Variants in RFX7 observed in about 807,000 individuals in gnomAD.
The protein encoded by RFX7 is DNA-binding protein RFX7.
In RFX7, 26 loss-of-function variants were observed where a neutral mutation model predicts 111.8. The observed-to-expected ratio is 0.23, with a 90% CI of 0.17 to 0.32. The LOEUF (loss-of-function observed/expected upper bound fraction) is 0.32, where lower values mean the gene tolerates loss of function less well. Among genes scored for constraint, RFX7 ranks in the 10% least tolerant of loss-of-function variants. The pLI is 1.00. For synonymous variants in RFX7, 624 were observed against 624.4 expected, an observed-to-expected ratio of 1.00 and a Z score of 0.01; for missense variants, 1,573 against 1,772.9, an observed-to-expected ratio of 0.89 and a Z score of 2.02.
At chr15:56,241,562 A>C (rs187442154) in intron 2 of RFX7, among the ~76,000 whole-genome samples, 1 of 152,294 alleles carries the variant, frequency 6.6e-6, no homozygotes, top group East Asian at 1.9e-4. Flanking sequence ...CAGAAACACA[A>C]AGTTACGTCA....
upstream of RFX7, chr15:56,244,051 C>G (rs1362805314): frequency 6.6e-6 from 1 of 151,166 alleles, no homozygotes; most frequent in Non-Finnish European, 1.5e-5. Flanking sequence ...GAGTCCGGCC[C>G]GGCTGGTGGA....
intron 3 of RFX7, among the ~76,000 whole-genome samples, chr15:56,149,551 G>C (rs1217695672): frequency 6.6e-6 from 1 of 152,160 alleles, no homozygotes; most frequent in African/African-American, 2.4e-5. Context: ...GCCCACGGAG[G>C]GCGAGGCGAA....
rs945223889 is a variant in RFX7, at chr15:56,105,058, A to G, written c.402-1388T>C. 2.0e-5 allele frequency among the ~76,000 whole-genome samples: 3 copies of G among 152,328 alleles called. No individual in the cohort carries two copies. In the East Asian group the frequency reaches 5.8e-4, roughly 29 times the overall value. The stretch of plus-strand genomic sequence containing the variant: ...CATAACAATTTCAGAAGCAAGTTAA[A>G]TGAGTTCTTTATGGTTCAAACCGGC... On this transcript the variant is annotated intron_variant, in intron 5 of 9. Coordinates refer to ENST00000559447, the MANE Select transcript of RFX7 (RefSeq NM_022841.7).
chr15:56,229,239 G>A (rs1411547069), intron 2 of RFX7, among the ~76,000 whole-genome samples: 4 of 152,128 alleles, frequency 2.6e-5, no homozygotes, highest in African/African-American at 9.7e-5. Context: ...TTTGCAACAT[G>A]AGACTTTGGC....
chr15:56,125,610 AGT>A (rs10564650), intron 5 of RFX7, among the ~76,000 whole-genome samples: 48,918 of 146,722 alleles, frequency 0.33, 7,867 homozygotes, highest in Non-Finnish European at 0.35. Flanking sequence ...TGTGTGTGTG[AGT>A]GTGTGTGTGT....
intron 5 of RFX7, among the ~76,000 whole-genome samples, chr15:56,131,110 T>C (rs1012155468): frequency 1.4e-5 from 2 of 142,050 alleles, no homozygotes; most frequent in African/African-American, 5.2e-5. Context: ...AAAGATAGCA[T>C]AAAAAAAAAA....
intron 2 of RFX7, among the ~76,000 whole-genome samples, chr15:56,210,767 A>C (rs1169118064): frequency 1.3e-5 from 2 of 152,094 alleles, no homozygotes; most frequent in African/African-American, 4.8e-5. Flanking sequence ...AAAACGCAAC[A>C]TGTCAAAATT....
chr15:56,172,753 T>G (rs1308253117), intron 3 of RFX7, among the ~76,000 whole-genome samples: 1 of 152,116 alleles, frequency 6.6e-6, no homozygotes, highest in African/African-American at 2.4e-5. Context: ...GCTAAAGAAG[T>G]CTGAAACAGG....
chr15:56,101,391 G>C lies in RFX7; in HGVS notation c.779C>G (p.Ala260Gly), dbSNP rs761172601. ...KSHYIGTKSM[A>G]ALTVMAAAPA... ...TGCTGCTGCCATTACAGTTAGAGCT[G>C]CCATTGACTTGGTGCCTATATAGTG... The change falls in exon 8 of 10, where the codon GCA becomes GGA. Residue 260 changes from alanine (A) to glycine (G), a missense_variant. Coordinates refer to ENST00000559447, the MANE Select transcript of RFX7 (RefSeq NM_022841.7). The C allele has an allele frequency of 1.2e-6, 2 of 1,605,408 alleles. No individual in the cohort carries two copies. The highest frequency in any genetic ancestry group is 1.7e-6 in the Non-Finnish European group (2 of 1,176,022).
intron 2 of RFX7, among the ~76,000 whole-genome samples, chr15:56,231,918 A>C (rs1013467417): frequency 2.0e-5 from 3 of 152,220 alleles, no homozygotes; most frequent in Non-Finnish European, 4.4e-5. Flanking sequence ...CCAGTGGGGC[A>C]GTCAAATTTT....
intron 5 of RFX7, among the ~76,000 whole-genome samples, chr15:56,135,460 C>T (rs1412686182): frequency 5.3e-5 from 8 of 151,876 alleles, no homozygotes; most frequent in East Asian, 3.9e-4. Flanking sequence ...TTTGATGGGG[C>T]TGTTTGTTTT....
intron 3 of RFX7, among the ~76,000 whole-genome samples, chr15:56,165,118 T>C (rs1332069592): frequency 2.6e-5 from 4 of 152,102 alleles, no homozygotes; most frequent in African/African-American, 9.7e-5. Context: ...ATAGGGTTTG[T>C]GCTCCTATAA....
At position 56,231,628 on chromosome 15, in the gene RFX7, C is replaced by T. The variant is rs60522424; in HGVS notation, c.161+11497G>A. Among the ~76,000 whole-genome samples, 746 of 152,032 alleles carry T rather than the reference C, an allele frequency of 4.9e-3. 11 individuals carry two copies. Among genetic ancestry groups the T allele is most frequent in the African/African-American group, 0.017 (720 of 41,520 alleles). On this transcript the variant is annotated intron_variant, in intron 2 of 9. Coordinates refer to ENST00000559447, the MANE Select transcript of RFX7 (RefSeq NM_022841.7). ...GGCAGAGCCAAACCATTTCATTCCA[C>T]CCTGCCCCCCTCAAATCTCATGTCC...
At chr15:56,217,224 T>C (rs1220646057) in intron 2 of RFX7, among the ~76,000 whole-genome samples, 5 of 152,158 alleles carry the variant, frequency 3.3e-5, no homozygotes, top group Admixed American at 3.3e-4. Context: ...AAGACAAATG[T>C]ATCTACTAAG....
intron 5 of RFX7, among the ~76,000 whole-genome samples, chr15:56,109,740 G>T (rs1202548616): frequency 1.4e-5 from 2 of 147,070 alleles, no homozygotes; most frequent in East Asian, 2.1e-4. Flanking sequence ...CGGCCGCCCC[G>T]TCTGAGAAGT....
At chr15:56,134,927 C>G (rs1482512175) in intron 5 of RFX7, among the ~76,000 whole-genome samples, 1 of 152,064 alleles carries the variant, frequency 6.6e-6, no homozygotes, top group Non-Finnish European at 1.5e-5. Flanking sequence ...ATCCATGTCC[C>G]TACAAAGGAC....
intron 2 of RFX7, among the ~76,000 whole-genome samples, chr15:56,237,332 A>T (rs1272814374): frequency 1.3e-5 from 2 of 152,206 alleles, no homozygotes; most frequent in African/African-American, 4.8e-5. Flanking sequence ...TTAATATTAC[A>T]AGTGAATGGG....
intron 2 of RFX7, 85 bp downstream of exon 2, chr15:56,243,040 G>GCGC: frequency 1.6e-5 from 9 of 570,718 alleles, no homozygotes; most frequent in Non-Finnish European, 2.8e-5. Context: ...CTCCTCCTCC[G>GCGC]CTCCCCCCGC....
chr15:56,178,733 T>C (rs2042931195), intron 3 of RFX7, among the ~76,000 whole-genome samples: 1 of 152,174 alleles, frequency 6.6e-6, no homozygotes, highest in South Asian at 2.1e-4. Flanking sequence ...TAAACTATTA[T>C]TGTGGCTTTA....
Sources: gnomAD v4.1 joint callset for allele counts (sites outside exome capture counted in the v4.1 genomes callset) on GRCh38, gnomAD v4.1.1 for gene constraint, MANE v1.5 for transcripts, NCBI Gene and HGNC (gene_info 2026-07-23, HGNC 2026-07-21) for gene names.